The following MGAM2 variants were observed in gnomAD, a reference collection of about 807,000 sequenced individuals.
MGAM2 encodes maltase-glucoamylase 2 (putative).
A neutral mutation model predicts 96.1 loss-of-function variants in MGAM2; 98 were observed. The observed-to-expected ratio is 1.02, with a 90% confidence interval of 0.87 to 1.21. The LOEUF is 1.21. Among genes scored for constraint, MGAM2 ranks in the 50% most tolerant of loss-of-function variants. The pLI, the probability that MGAM2 is intolerant of heterozygous loss-of-function variation, is 0.00. For synonymous variants in MGAM2, 749 were observed against 414.8 expected, an observed-to-expected ratio of 1.81 and a Z score of -9.79; for missense variants, 2,055 against 1,182.4, an observed-to-expected ratio of 1.74 and a Z score of -10.82.
chr7:142,164,527 G>T lies in MGAM2; in HGVS notation c.2485-329G>T, dbSNP rs1195795272. On this transcript the variant is annotated intron_variant, in intron 23 of 47. Transcript: ENST00000477922. ...TATATGTGTATGTCTTTATCTTTGT[G>T]TGCCAATGAGGCTCTTATCTTTTTG... 1.2e-4 allele frequency among the ~76,000 whole-genome samples: 18 copies of T among 151,964 alleles called. 1 individual carries two copies. Among genetic ancestry groups the T allele is most frequent in the Admixed American group, 1.1e-3 (17 of 15,234 alleles).
intron 35 of MGAM2, among the ~76,000 whole-genome samples, chr7:142,187,021 C>A (rs918286120): frequency 3.3e-5 from 5 of 151,546 alleles, no homozygotes; most frequent in African/African-American, 1.2e-4. Context: ...ATGAATAGTT[C>A]CTCAAGTACT....
At chr7:142,130,785 C>T (rs1417857908) in intron 3 of MGAM2, among the ~76,000 whole-genome samples, 163 bp from the exon 4 acceptor site, 1 of 152,108 alleles carries the variant, frequency 6.6e-6, no homozygotes, top group African/African-American at 2.4e-5. Flanking sequence ...ACATATTGGA[C>T]AGTTGGATAG....
Position 142,185,994 on chromosome 7 carries a change from C to T in MGAM2, c.3993C>T (p.Tyr1331=), listed in dbSNP as rs1796684274. 1 of 703,292 alleles carries T rather than the reference C, an allele frequency of 1.4e-6. No individual in the cohort carries two copies. The highest frequency in any genetic ancestry group is 2.6e-6 in the Non-Finnish European group (1 of 384,998). 43.6% of individuals were successfully genotyped at this position (703,292 alleles called of 1,614,324 possible). The change falls in exon 35 of 48, where the codon TAC becomes TAT. Residue 1331 remains tyrosine, a synonymous_variant. Transcript: ENST00000477922. ...AGTGTGTGTTATTCTTACAGCTTTA[C>T]AGGGCCTACGTTGCCTTTCCTGACT... ...SLDHETQVKL[Y]RAYVAFPDFF...
At chr7:142,163,630 C>G (rs1299901590) in intron 23 of MGAM2, among the ~76,000 whole-genome samples, 1 of 152,160 alleles carries the variant, frequency 6.6e-6, no homozygotes, top group African/African-American at 2.4e-5. Flanking sequence ...GTTGCTGGGT[C>G]TTATGGTAAT....
chr7:142,128,945 C>T (rs1003587829), intron 3 of MGAM2, among the ~76,000 whole-genome samples: 11 of 152,188 alleles, frequency 7.2e-5, no homozygotes, highest in Non-Finnish European at 1.5e-4. Flanking sequence ...ATGGTAGATC[C>T]ACTGATGGCT....
chr7:142,171,634 A>C (rs1432936211), intron 28 of MGAM2, among the ~76,000 whole-genome samples, 194 bp downstream of exon 28: 5 of 96,000 alleles, frequency 5.2e-5, no homozygotes, highest in African/African-American at 9.5e-5. Context: ...ATATATATAT[A>C]TATATATATA....
rs181276813 is a variant in MGAM2 at position 142,196,272 on chromosome 7, G to A, written c.4465G>A (p.Gly1489Arg). The A allele has an allele frequency of 7.7e-6, 6 of 777,248 alleles. No homozygotes were observed. The East Asian group carries it at 8.0e-5, about 10-fold the overall frequency. 48.1% of individuals were successfully genotyped at this position (777,248 alleles called of 1,614,324 possible). The change falls in exon 38 of 48, where the codon GGG (glycine) becomes AGG (arginine). Residue 1489 changes from glycine (G) to arginine (R), a missense_variant. Gly to Arg is a moderately radical substitution (Grantham distance 125, BLOSUM62 -2). Coordinates refer to ENST00000477922, the MANE Select transcript of MGAM2 (RefSeq NM_001293626.2). ...GNNTAAWDQL[G>R]KSIIGMMEFS... ...CAACACAGCTGCATGGGACCAGCTG[G>A]GGAAATCTATCATTGGTGTGTGGGC...
intron 46 of MGAM2, among the ~76,000 whole-genome samples, chr7:142,210,118 C>T (rs1294221475): frequency 1.3e-5 from 2 of 152,108 alleles, no homozygotes; most frequent in Non-Finnish European, 2.9e-5. Context: ...TCAGGGTACT[C>T]CCCCCGTAGC....
chr7:142,117,765 C>T (rs1451798380), intron 2 of MGAM2, among the ~76,000 whole-genome samples: 1 of 152,112 alleles, frequency 6.6e-6, no homozygotes, highest in Non-Finnish European at 1.5e-5. Context: ...TGAGATTATT[C>T]CTACTTCTCC....
intron 4 of MGAM2, 133 bp downstream of exon 4, chr7:142,131,204 C>G (rs1198305342): frequency 1.6e-6 from 1 of 622,108 alleles, no homozygotes; most frequent in Non-Finnish European, 2.9e-6. Flanking sequence ...CTTCGAGAGG[C>G]TGACGTGGGT....
At chr7:142,212,238 C>A (rs1440824421) in intron 46 of MGAM2, among the ~76,000 whole-genome samples, 1 of 152,134 alleles carries the variant, frequency 6.6e-6, no homozygotes, top group Non-Finnish European at 1.5e-5. Context: ...AGTATCAGCT[C>A]CTGCAAAAAT....
intron 37 of MGAM2, among the ~76,000 whole-genome samples, chr7:142,194,827 C>T (rs748280212): frequency 2.0e-5 from 3 of 151,816 alleles, no homozygotes; most frequent in Non-Finnish European, 4.4e-5. Context: ...TTCCTGACAT[C>T]ATTTATTGAC....
intron 45 of MGAM2, among the ~76,000 whole-genome samples, chr7:142,203,426 A>C (rs1797299670): frequency 6.6e-6 from 1 of 152,176 alleles, no homozygotes; most frequent in African/African-American, 2.4e-5. Context: ...GAGGAATCAA[A>C]GCAATGTACA....
At chr7:142,188,342 C>A (rs902843973) in intron 36 of MGAM2, among the ~76,000 whole-genome samples, 2 of 152,006 alleles carry the variant, frequency 1.3e-5, no homozygotes, top group Non-Finnish European at 2.9e-5. Context: ...AAGGAAATGA[C>A]TCACTTCTAA....
At chr7:142,151,576 T>A (rs1795579340) in intron 15 of MGAM2, among the ~76,000 whole-genome samples, 1 of 152,166 alleles carries the variant, frequency 6.6e-6, no homozygotes. Context: ...CTTAGATGCT[T>A]CTATCTAAGA....
intron 2 of MGAM2, among the ~76,000 whole-genome samples, chr7:142,119,291 C>T (rs1483734856): frequency 6.6e-6 from 1 of 152,052 alleles, no homozygotes; most frequent in East Asian, 1.9e-4. Flanking sequence ...CCAAGGAAAT[C>T]TATAAATGGC....
Position 142,132,598 on chromosome 7 carries a change from A to G in MGAM2, c.575+513A>G, listed in dbSNP as rs1417662307. On this transcript the variant is annotated intron_variant, in intron 6 of 47. Coordinates refer to ENST00000477922, the MANE Select transcript of MGAM2 (RefSeq NM_001293626.2). ...TATAATTTAATCAACTATATAATTTATATATTTAATACATAATTTAAAATT... is the reference window on the plus strand; with the variant it reads ...TATAATTTAATCAACTATATAATTTGTATATTTAATACATAATTTAAAATT... Among the ~76,000 whole-genome samples the G allele has an allele frequency of 1.1e-4, 14 of 129,616 alleles. No individual in the cohort carries two copies. In the East Asian group the frequency reaches 1.3e-3, roughly 12 times the overall value. 85.0% of individuals were successfully genotyped at this position (129,616 alleles called of 152,430 possible). A position where few individuals can be genotyped will look rare whatever the true frequency, so the allele number is the denominator to read the frequency against.
Position 142,172,192 on chromosome 7 carries a change from TG to T in MGAM2, c.3448+1del, listed in dbSNP as rs1796216780. 2.8e-6 allele frequency: 2 copies of T among 713,880 alleles called. No homozygotes were observed. The allele number at this position is 713,880 out of a possible 1,614,324, so 44.2% of individuals were successfully genotyped here. On this transcript the variant is annotated frameshift_variant and splice_region_variant, in exon 29 of 48. Coordinates refer to ENST00000477922, the MANE Select transcript of MGAM2 (RefSeq NM_001293626.2). LOFTEE classifies it high-confidence loss of function. ...GTGCTCCTGCTAAATAGCAATGCCA[TG>T]GGTAAGGCATAGGCACAGCTCCCAT... ...HGVLLLNSNAMDVTLQPTPAL... is the reference protein window; with the variant it reads ...HGVLLLNSNAXDVTLQPTPAL...
At chr7:142,171,104 C>T (rs923792279) in intron 27 of MGAM2, 168 bp from the exon 28 acceptor site, 3 of 658,718 alleles carry the variant, frequency 4.6e-6, no homozygotes, top group Non-Finnish European at 8.4e-6. Context: ...GAACTTTGGT[C>T]CTGAGTCAGG....
Sources: allele counts gnomAD v4.1 joint callset (sites outside exome capture counted in the v4.1 genomes callset), GRCh38; gene constraint gnomAD v4.1.1; transcripts MANE v1.5; gene names NCBI Gene and HGNC (gene_info 2026-07-23, HGNC 2026-07-21).